Variants in CPEB2 observed in about 807,000 individuals in gnomAD.
The protein encoded by CPEB2 is cytoplasmic polyadenylation element-binding protein 2.
A neutral mutation model predicts 93.6 loss-of-function variants in CPEB2; 56 were observed. The observed-to-expected ratio is 0.60, with a 90% CI of 0.48 to 0.75. CPEB2 has a LOEUF of 0.75. CPEB2 is among the 30% of genes least tolerant of loss of function. The probability of loss-of-function intolerance (pLI) is 0.00; values close to 1 mark genes in which losing one functional copy is unlikely to be tolerated. For missense variants in CPEB2, 1,579 were observed against 1,395.1 expected, an observed-to-expected ratio of 1.13 and a Z score of -2.10; for synonymous variants, 764 against 586.3, an observed-to-expected ratio of 1.30 and a Z score of -4.38.
intron 11 of CPEB2, among the ~76,000 whole-genome samples, chr4:15,064,336 A>T (rs1729484797): frequency 6.6e-6 from 1 of 152,114 alleles, no homozygotes; most frequent in Admixed American, 6.6e-5. Flanking sequence ...ATTAATGAAA[A>T]ATAGGTTTTG....
chr4:15,044,073 A>G (rs1727439207), intron 6 of CPEB2, among the ~76,000 whole-genome samples: 1 of 152,200 alleles, frequency 6.6e-6, no homozygotes, highest in Middle Eastern at 3.2e-3. Context: ...CAAGGCTGAA[A>G]TCCTTGATAA....
At position 15,007,517 on chromosome 4, in the gene CPEB2, T is replaced by G; in HGVS notation, c.1875T>G (p.Thr625=). ...TTACTCGCTCAACTCCATCACTGAC[T>G]CCAAAATCTTGGATTGAAGATAATG... ...PKFTRSTPSL[T]PKSWIEDNVF... is the part of the protein sequence containing the mutation. Residue 625 remains threonine (T), a synonymous_variant, in exon 2 of 12, where the codon ACT becomes ACG. Transcript: ENST00000538197. The G allele has an allele frequency of 6.2e-7, 1 of 1,613,950 alleles. No individual in the cohort carries two copies. Among genetic ancestry groups the G allele is most frequent in the African/African-American group, 1.3e-5 (1 of 75,034 alleles).
intron 8 of CPEB2, among the ~76,000 whole-genome samples, chr4:15,058,003 C>T (rs2109095388): frequency 6.6e-6 from 1 of 152,316 alleles, no homozygotes; most frequent in African/African-American, 2.4e-5. Context: ...TTCTGCCAAG[C>T]TCTTTAAGAA....
In CPEB2 at chr4:15,003,372, G is replaced by C. The variant is rs1722259051; in HGVS notation, c.699G>C (p.Pro233=). The C allele has an allele frequency of 1.4e-6, 2 of 1,385,472 alleles. No homozygotes were observed. The highest frequency in any genetic ancestry group is 1.8e-6 in the Non-Finnish European group (2 of 1,082,436). The allele number at this position is 1,385,472 out of a possible 1,614,324, so 85.8% of individuals were successfully genotyped here. ...QLAQRQQQQP[P]QQFSLLHQQH... ...CTCAGCGCCAGCAGCAACAGCCGCC[G>C]CAGCAGTTCAGCCTCCTGCATCAGC... is the stretch of plus-strand genomic sequence containing the variant. The change falls in exon 1 of 12, where the codon CCG becomes CCC. Residue 233 remains proline, a synonymous_variant. Transcript: ENST00000538197.
chr4:15,009,040 G>T (rs1333299983), intron 3 of CPEB2, among the ~76,000 whole-genome samples: 1 of 152,106 alleles, frequency 6.6e-6, no homozygotes, highest in Non-Finnish European at 1.5e-5. Context: ...TACACCTTTG[G>T]TGGTTACAAA....
At chr4:15,046,379 C>A (rs1727700451) in intron 6 of CPEB2, among the ~76,000 whole-genome samples, 1 of 152,148 alleles carries the variant, frequency 6.6e-6, no homozygotes, top group Non-Finnish European at 1.5e-5. Context: ...ACATGCGCCA[C>A]CACACCCGGC....
chr4:15,050,440 A>C (rs1026124576), intron 6 of CPEB2, among the ~76,000 whole-genome samples: 2 of 152,174 alleles, frequency 1.3e-5, no homozygotes, highest in Non-Finnish European at 2.9e-5. Context: ...ATCCAAAAAA[A>C]TCCTTCAGTT....
chr4:15,062,721 C>T (rs1252128275), intron 11 of CPEB2, among the ~76,000 whole-genome samples: 4 of 151,938 alleles, frequency 2.6e-5, no homozygotes, highest in South Asian at 2.1e-4. Flanking sequence ...TAGAACTTGA[C>T]GGAGAGTGTT....
chr4:15,010,690 C>A (rs1723356433), intron 3 of CPEB2: 1 of 152,102 alleles, frequency 6.6e-6, no homozygotes, highest in African/African-American at 2.4e-5. Context: ...GCATTTCTGA[C>A]CTTTTATCAT....
intron 2 of CPEB2, 35 bp from the exon 3 acceptor site, chr4:15,008,303 G>T (rs1723078154): frequency 2.7e-6 from 4 of 1,491,074 alleles, no homozygotes; most frequent in African/African-American, 2.8e-5. Flanking sequence ...GAAGACAACT[G>T]CTCATTTCTG....
At chr4:15,064,590 A>AAAT (rs1400198752) in intron 11 of CPEB2, among the ~76,000 whole-genome samples, 1 of 151,950 alleles carries the variant, frequency 6.6e-6, no homozygotes, top group Admixed American at 6.6e-5. Flanking sequence ...AAAAAAAAAG[A>AAAT]AATAACCATG....
chr4:15,023,604 TA>T (rs1424331897), intron 4 of CPEB2, among the ~76,000 whole-genome samples: 1 of 152,020 alleles, frequency 6.6e-6, no homozygotes, highest in Non-Finnish European at 1.5e-5. Flanking sequence ...TTAACTTTTT[TA>T]AAAAATTAGT....
chr4:15,054,713 A>T (rs1476111792), intron 8 of CPEB2, among the ~76,000 whole-genome samples: 1 of 152,184 alleles, frequency 6.6e-6, no homozygotes, highest in Non-Finnish European at 1.5e-5. Context: ...CAGGACAAGA[A>T]TTACAAATTG....
chr4:15,004,188 G>T lies in CPEB2; in HGVS notation c.1515G>T (p.Met505Ile). Residue 505 changes from methionine (M) to isoleucine (I), a missense_variant, in exon 1 of 12, where the codon ATG (methionine) becomes ATT (isoleucine). Physicochemically the swap from Met to Ile is conservative, Grantham distance 10. Around this residue, in one of 2 missense-constraint regions of CPEB2, gnomAD observed 1,411 missense variants for 1,056.0 expected, o/e 1.34. Coordinates refer to ENST00000538197, the MANE Select transcript of CPEB2 (RefSeq NM_001177382.2). ...TAVPPPPPPA[M>I]NIPQQQPPPP... ...TGCCCCCTCCGCCGCCGCCCGCCAT[G>T]AATATACCTCAACAGCAGCCCCCGC... is the stretch of plus-strand genomic sequence containing the variant. 1 of 1,351,670 alleles carries T rather than the reference G, an allele frequency of 7.4e-7. No homozygotes were observed. Among genetic ancestry groups the T allele is most frequent in the Non-Finnish European group, 9.6e-7 (1 of 1,040,906 alleles). 83.7% of individuals were successfully genotyped at this position (1,351,670 alleles called of 1,614,324 possible).
rs1452405438 is a variant in CPEB2 at position 15,040,491 on chromosome 4, A to G, written c.2200+4A>G. The stretch of plus-strand genomic sequence containing the variant: ...AGGAGTTATGGGCGAAGACGAGGTA[A>G]TTCATTTCTGTTTGCTATGGTATAA... On this transcript the variant is annotated splice_donor_region_variant and intron_variant, in intron 6 of 11. Coordinates refer to ENST00000538197, the MANE Select transcript of CPEB2 (RefSeq NM_001177382.2). 10 of 1,535,942 alleles carry G rather than the reference A, an allele frequency of 6.5e-6. No homozygotes were observed. The highest frequency in any genetic ancestry group is 8.7e-6 in the Non-Finnish European group (10 of 1,146,640).
chr4:15,003,161 C>A lies in CPEB2; in HGVS notation c.488C>A (p.Pro163Gln), dbSNP rs1239854760. The A allele has an allele frequency of 6.5e-7, 1 of 1,534,664 alleles. No individual in the cohort carries two copies. The highest frequency in any genetic ancestry group is 8.7e-7 in the Non-Finnish European group (1 of 1,146,384). Residue 163 changes from proline to glutamine, a missense_variant, in exon 1 of 12, where the codon CCG (proline) becomes CAG (glutamine). Transcript: ENST00000538197. ...SSCCCCRTSSPQDFSKRQQQQ... is the reference protein window; with the variant it reads ...SSCCCCRTSSQQDFSKRQQQQ... ...TGCTGCTGCTGCCGCACCTCCTCCC[C>A]GCAGGACTTCAGTAAGCGGCAGCAG...
rs1560206875 is a variant in CPEB2 at position 15,003,750 on chromosome 4, GGGGCCCCCAGGA to G, written c.1080_1091del (p.Pro361_Gly364del). On this transcript the variant is annotated inframe_deletion, in exon 1 of 12. Coordinates refer to ENST00000538197, the MANE Select transcript of CPEB2 (RefSeq NM_001177382.2). The stretch of plus-strand genomic sequence containing the variant: ...GCGGCGGCGGCGGCGGCGGGGGCGG[GGGGCCCCCAGGA>G]GGCGGAGGGGGAGGCGGCTCCGCGT... The G allele has an allele frequency of 7.9e-7, 1 of 1,260,648 alleles. No individual in the cohort carries two copies. The highest frequency in any genetic ancestry group is 4.0e-5 in the Admixed American group (1 of 25,086). The allele number at this position is 1,260,648 out of a possible 1,614,324, so 78.1% of individuals were successfully genotyped here.
rs1317353486 is a variant in CPEB2 at position 15,017,269 on chromosome 4, C to CCT, written c.2119_2120dup (p.Lys708LeufsTer5). 6.3e-7 allele frequency: 1 copy of CCT among 1,578,920 alleles called. No homozygotes were observed. The highest frequency in any genetic ancestry group is 8.7e-7 in the Non-Finnish European group (1 of 1,152,244). ...CGATATTATGAGAGCAGAGCATGAT[C>CCT]CTCTTAAGGGTAGGTGACTTTTTAA... On this transcript the variant is annotated frameshift_variant, in exon 4 of 12. Coordinates refer to ENST00000538197, the MANE Select transcript of CPEB2 (RefSeq NM_001177382.2). LOFTEE classifies it high-confidence loss of function.
At chr4:15,040,220 ATG>A (rs1345353525) in intron 5 of CPEB2, among the ~76,000 whole-genome samples, 19 of 152,284 alleles carry the variant, frequency 1.2e-4, no homozygotes, top group Admixed American at 1.2e-3. Context: ...TGATAATGAA[ATG>A]TGTGTTTCTT....
Sources: allele counts gnomAD v4.1 joint callset (sites outside exome capture counted in the v4.1 genomes callset), GRCh38; gene constraint gnomAD v4.1.1; regional missense constraint gnomAD v4.1.1; transcripts MANE v1.5; gene names NCBI Gene and HGNC (gene_info 2026-07-23, HGNC 2026-07-21).